The following FAXC variants were observed in gnomAD, a reference collection of about 807,000 sequenced individuals.
The protein encoded by FAXC is failed axon connections homolog.
FAXC carries 10 observed loss-of-function variants against 41.9 expected under a neutral mutation model. The observed-to-expected ratio is 0.24, with a 90% CI of 0.15 to 0.41. FAXC has a LOEUF of 0.41. Ranked by LOEUF, FAXC falls within the 10% of genes least tolerant of loss-of-function variation. FAXC has a pLI of 1.00. For synonymous variants in FAXC, 183 were observed against 183.8 expected (o/e 1.00, Z 0.03); for missense variants, 399 against 510.9 (o/e 0.78, Z 2.11).
intron 5 of FAXC, among the ~76,000 whole-genome samples, chr6:99,290,834 C>T (rs927884787): frequency 6.7e-6 from 1 of 148,972 alleles, no homozygotes; most frequent in Non-Finnish European, 1.5e-5. Context: ...TAATTTAAGA[C>T]GGAGTCTTGC....
chr6:99,318,832 A>G (rs765732217), intron 4 of FAXC, among the ~76,000 whole-genome samples: 21 of 152,104 alleles, frequency 1.4e-4, no homozygotes, highest in Non-Finnish European at 3.1e-4. Flanking sequence ...CCAGATGTGA[A>G]CCCGGGATCT....
intron 5 of FAXC, among the ~76,000 whole-genome samples, chr6:99,291,354 C>A (rs1206732930): frequency 6.6e-6 from 1 of 152,194 alleles, no homozygotes; most frequent in African/African-American, 2.4e-5. Context: ...TAAGGAAGAC[C>A]AGCAAAGCAA....
intron 4 of FAXC, among the ~76,000 whole-genome samples, chr6:99,297,984 A>G (rs1771565317): frequency 6.6e-6 from 1 of 152,204 alleles, no homozygotes; most frequent in Non-Finnish European, 1.5e-5. Context: ...AGACATTCTT[A>G]GATCCCATCA....
chr6:99,279,277 A>G lies in FAXC; in HGVS notation c.*1887T>C, dbSNP rs1770739023. 6.6e-6 allele frequency: 1 copy of G among 152,208 alleles called. No homozygotes were observed. The highest frequency in any genetic ancestry group is 6.5e-5 in the Admixed American group (1 of 15,278). The allele number at this position is 152,208 out of a possible 1,614,324, so 9.4% of individuals were successfully genotyped here. Reference sequence around the variant, plus strand: ...ATAAGAATGGTTTTAATAAGATATTAACAACTAAGTTTCCCATGGAATAAG... The same window carrying G: ...ATAAGAATGGTTTTAATAAGATATTGACAACTAAGTTTCCCATGGAATAAG... On this transcript the variant is annotated 3_prime_UTR_variant, in exon 6 of 6. Transcript: ENST00000389677.
rs952686404 is a variant in FAXC, at chr6:99,301,849, G to A, written c.824-10029C>T. On this transcript the variant is annotated intron_variant, in intron 4 of 5. Transcript: ENST00000389677. ...TGACAACCTGGCTTTACTCTGCACAGCCCAGCAGCAGCTGAAAGAAGTACC... is the reference window on the plus strand; with the variant it reads ...TGACAACCTGGCTTTACTCTGCACAACCCAGCAGCAGCTGAAAGAAGTACC... Among the ~76,000 whole-genome samples the A allele has an allele frequency of 6.6e-5, 10 of 152,328 alleles. No individual in the cohort carries two copies. The South Asian group carries it at 2.1e-3, about 32-fold the overall frequency.
At chr6:99,311,418 T>C (rs773614151) in intron 4 of FAXC, among the ~76,000 whole-genome samples, 15 of 151,916 alleles carry the variant, frequency 9.9e-5, no homozygotes, top group Admixed American at 3.3e-4. Flanking sequence ...CTACTAAAAA[T>C]ACAAAAATTA....
rs1236932635 is a variant in FAXC, at chr6:99,275,034, A to AT, written c.*6129dup. The AT allele has an allele frequency of 6.6e-6, 1 of 152,136 alleles. No homozygotes were observed. Among genetic ancestry groups the AT allele is most frequent in the African/African-American group, 2.4e-5 (1 of 41,430 alleles). 9.4% of individuals were successfully genotyped at this position (152,136 alleles called of 1,614,324 possible). ...CATGGCAATTCAGAAGTTGGATCTT[A>AT]TTTTTTTAGAAGCCATGGGGTAACT... On this transcript the variant is annotated 3_prime_UTR_variant, in exon 6 of 6. Coordinates refer to ENST00000389677, the MANE Select transcript of FAXC (RefSeq NM_032511.4).
chr6:99,331,870 T>A (rs550062767), intron 3 of FAXC, among the ~76,000 whole-genome samples: 1 of 152,376 alleles, frequency 6.6e-6, no homozygotes, highest in African/African-American at 2.4e-5. Flanking sequence ...AAGTTTTTCC[T>A]GGAAGCTATG....
At position 99,273,624 on chromosome 6, in the gene FAXC, C is replaced by A. The variant is rs942624704; in HGVS notation, c.*7540G>T. The A allele has an allele frequency of 2.1e-4, 32 of 151,110 alleles. No individual in the cohort carries two copies. The highest frequency in any genetic ancestry group is 6.8e-4 in the African/African-American group (28 of 41,026). The allele number at this position is 151,110 out of a possible 1,614,324, so 9.4% of individuals were successfully genotyped here. A position where few individuals can be genotyped will look rare whatever the true frequency, so the allele number is the denominator to read the frequency against. ...TCCTTCTCTTTCCCAACCAAAAATGCCTATTTTAAGTAAAAATAATTAAAT... is the reference window on the plus strand; with the variant it reads ...TCCTTCTCTTTCCCAACCAAAAATGACTATTTTAAGTAAAAATAATTAAAT... On this transcript the variant is annotated 3_prime_UTR_variant, in exon 6 of 6. Transcript: ENST00000389677.
chr6:99,291,646 C>G (rs1227082909), intron 5 of FAXC, 58 bp downstream of exon 5: 4 of 1,223,220 alleles, frequency 3.3e-6, no homozygotes, highest in African/African-American at 1.5e-5. Flanking sequence ...ACTGTGCTAC[C>G]CCACTGCCCA....
At chr6:99,333,293 G>T in intron 3 of FAXC, 58 bp downstream of exon 3, 1 of 1,424,506 alleles carries the variant, frequency 7.0e-7, no homozygotes, top group Non-Finnish European at 9.5e-7. Flanking sequence ...GATCTGAAAA[G>T]TGAAACAGAA....
At chr6:99,287,862 T>C (rs1278272989) in intron 5 of FAXC, among the ~76,000 whole-genome samples, 1 of 152,060 alleles carries the variant, frequency 6.6e-6, no homozygotes, top group Non-Finnish European at 1.5e-5. Flanking sequence ...TCCAAAGATT[T>C]AGAAGGGGTA....
intron 4 of FAXC, among the ~76,000 whole-genome samples, chr6:99,301,748 T>C (rs1242676079): frequency 6.6e-6 from 1 of 152,182 alleles, no homozygotes; most frequent in Non-Finnish European, 1.5e-5. Context: ...ACCTTTTATC[T>C]AAATAAATAA....
At chr6:99,313,995 T>C (rs1772241239) in intron 4 of FAXC, among the ~76,000 whole-genome samples, 1 of 152,172 alleles carries the variant, frequency 6.6e-6, no homozygotes, top group African/African-American at 2.4e-5. Flanking sequence ...CCTTTGTTTT[T>C]TGGTTCTTTT....
rs1045025132 is a variant in FAXC at position 99,324,163 on chromosome 6, T to C, written c.600-496A>G. 1.5e-4 allele frequency among the ~76,000 whole-genome samples: 22 copies of C among 151,460 alleles called. 1 individual carries two copies. Among genetic ancestry groups the C allele is most frequent in the Admixed American group, 5.9e-4 (9 of 15,174 alleles). On this transcript the variant is annotated intron_variant, in intron 3 of 5. Transcript: ENST00000389677. Reference sequence around the variant, plus strand: ...CTGCACATTTGTTTTGTATACTCTGTATATGCATTTTACATTTCATGACAT... The same window carrying C: ...CTGCACATTTGTTTTGTATACTCTGCATATGCATTTTACATTTCATGACAT...
chr6:99,286,368 C>G (rs994205766), intron 5 of FAXC, among the ~76,000 whole-genome samples: 4 of 152,192 alleles, frequency 2.6e-5, no homozygotes, highest in African/African-American at 9.7e-5. Context: ...AATCTCCTCA[C>G]GACAACCTCT....
chr6:99,316,159 C>CG (rs954908689), intron 4 of FAXC, among the ~76,000 whole-genome samples: 3 of 63,322 alleles, frequency 4.7e-5, no homozygotes, highest in Non-Finnish European at 1.4e-4. Context: ...ACCCACTCGC[C>CG]CCCCCCCACC....
chr6:99,343,594 T>C (rs1489236096), intron 1 of FAXC, among the ~76,000 whole-genome samples: 1 of 152,206 alleles, frequency 6.6e-6, no homozygotes, highest in Non-Finnish European at 1.5e-5. Flanking sequence ...TATGGCAGAA[T>C]GGGCACTCAA....
In FAXC at chr6:99,349,410, G is replaced by A. The variant is rs867315981; in HGVS notation, c.-38C>T. ...GCTCCGGGCGCCCCTCCCAGGGCCC[G>A]CGCCGCCCGCATGGGAAGGGGCCGG... is the stretch of plus-strand genomic sequence containing the variant. On this transcript the variant is annotated 5_prime_UTR_variant, in exon 1 of 6. Transcript: ENST00000389677. 18 of 1,520,222 alleles carry A rather than the reference G, an allele frequency of 1.2e-5. 2 individuals are homozygous for A. In the Middle Eastern group the frequency reaches 2.2e-3, roughly 182 times the overall value. The allele number at this position is 1,520,222 out of a possible 1,614,324, so 94.2% of individuals were successfully genotyped here.
Sources: allele counts gnomAD v4.1 joint callset (sites outside exome capture counted in the v4.1 genomes callset), GRCh38; gene constraint gnomAD v4.1.1; transcripts MANE v1.5; gene names NCBI Gene and HGNC (gene_info 2026-07-23, HGNC 2026-07-21).